The following UNC13B variants were observed in gnomAD, a reference collection of about 807,000 sequenced individuals.
UNC13B encodes the protein unc-13 homolog B, also known as protein unc-13 homolog B.
UNC13B carries 144 observed loss-of-function variants against 211.0 expected under a neutral mutation model. That is an observed-to-expected ratio of 0.68 (90% CI 0.60 to 0.78). The LOEUF (loss-of-function observed/expected upper bound fraction) is 0.78, where lower values mean the gene tolerates loss of function less well. UNC13B is among the 30% of genes least tolerant of loss of function. The probability of loss-of-function intolerance (pLI) is 0.00; values close to 1 mark genes in which losing one functional copy is unlikely to be tolerated. For missense variants in UNC13B, 1,777 were observed against 2,002.0 expected, an observed-to-expected ratio of 0.89 and a Z score of 2.14; for synonymous variants, 709 against 725.8, an observed-to-expected ratio of 0.98 and a Z score of 0.37.
At chr9:35,400,259 G>A in intron 36 of UNC13B, 37 bp from the exon 37 acceptor site, 1 of 1,606,844 alleles carries the variant, frequency 6.2e-7, no homozygotes, top group Non-Finnish European at 8.5e-7. Flanking sequence ...TTTCTGTAAG[G>A]GGATGAAGCA....
chr9:35,177,362 G>C (rs528153505), intron 1 of UNC13B, among the ~76,000 whole-genome samples: 13 of 152,282 alleles, frequency 8.5e-5, no homozygotes, highest in African/African-American at 3.1e-4. Flanking sequence ...TAAGACCGAG[G>C]AAGGGGCAGA....
chr9:35,317,554 A>C (rs1472586986), intron 11 of UNC13B, among the ~76,000 whole-genome samples: 4 of 123,756 alleles, frequency 3.2e-5, no homozygotes, highest in African/African-American at 9.5e-5. Flanking sequence ...ACAGAGCCTC[A>C]CTCTGTTGCC....
chr9:35,203,616 G>A (rs531616239), intron 1 of UNC13B, among the ~76,000 whole-genome samples: 148 of 152,234 alleles, frequency 9.7e-4, no homozygotes, highest in African/African-American at 3.4e-3. Flanking sequence ...AACAGGATCT[G>A]TGGAAATTTG....
At chr9:35,204,436 AC>A (rs1054291363) in intron 1 of UNC13B, among the ~76,000 whole-genome samples, 21 of 152,160 alleles carry the variant, frequency 1.4e-4, no homozygotes, top group African/African-American at 5.1e-4. Flanking sequence ...TCCATTGGCA[AC>A]TTGCACACTG....
chr9:35,376,035 A>G lies in UNC13B; in HGVS notation c.9623A>G (p.His3208Arg). 1 of 1,614,152 alleles carries G rather than the reference A, an allele frequency of 6.2e-7. No homozygotes were observed. Among genetic ancestry groups the G allele is most frequent in the Non-Finnish European group, 8.5e-7 (1 of 1,180,014 alleles). ...TSLKDEELKS[H>R]VYKKTLQALI... ...GGGGTATGTGTCTTTCAGAAATCCC[A>G]CGTGTATAAGAAAACCCTGCAGGCC... Residue 3208 changes from histidine to arginine, a missense_variant, in exon 15 of 40, where the codon CAC becomes CGC. His to Arg is a conservative substitution (Grantham distance 29, BLOSUM62 0). Coordinates refer to ENST00000635942, the MANE Select transcript of UNC13B (RefSeq NM_001371189.2).
intron 7 of UNC13B, among the ~76,000 whole-genome samples, chr9:35,265,840 G>A (rs1373142988): frequency 2.0e-5 from 3 of 151,418 alleles, no homozygotes; most frequent in Admixed American, 6.6e-5. Flanking sequence ...TCCTTTTTTT[G>A]CGATGGAGTC....
intron 13 of UNC13B, 23 bp downstream of exon 13, chr9:35,370,419 G>T: frequency 6.2e-7 from 1 of 1,611,376 alleles, no homozygotes; most frequent in Non-Finnish European, 8.5e-7. Flanking sequence ...TCTTGTGCAG[G>T]CATAGGCAGT....
intron 11 of UNC13B, among the ~76,000 whole-genome samples, chr9:35,329,250 A>T (rs867360677): frequency 6.6e-6 from 1 of 152,114 alleles, no homozygotes; most frequent in Admixed American, 6.5e-5. Context: ...TTAGAATGTG[A>T]CATTATTTGG....
intron 11 of UNC13B, chr9:35,352,538 G>A: frequency 4.9e-6 from 6 of 1,232,084 alleles, no homozygotes; most frequent in Non-Finnish European, 6.1e-6. Context: ...AAACCAGGAT[G>A]AACCAGTTCT....
intron 5 of UNC13B, among the ~76,000 whole-genome samples, chr9:35,238,063 T>C (rs530909625): frequency 6.6e-6 from 1 of 152,324 alleles, no homozygotes; most frequent in African/African-American, 2.4e-5. Context: ...TTTAATTTTC[T>C]GTGACTATTT....
intron 1 of UNC13B, among the ~76,000 whole-genome samples, chr9:35,206,080 G>A (rs1050068753): frequency 1.3e-5 from 2 of 152,114 alleles, no homozygotes; most frequent in Non-Finnish European, 2.9e-5. Context: ...GCTACTTGGA[G>A]GCTGGGAGGT....
At chr9:35,212,570 C>T (rs1824029686) in intron 1 of UNC13B, among the ~76,000 whole-genome samples, 1 of 151,798 alleles carries the variant, frequency 6.6e-6, no homozygotes, top group Non-Finnish European at 1.5e-5. Context: ...GAGACTCTGT[C>T]TCAAAAAAAT....
intron 11 of UNC13B, among the ~76,000 whole-genome samples, chr9:35,320,308 G>C (rs1393012408): frequency 6.6e-6 from 1 of 152,152 alleles, no homozygotes; most frequent in Admixed American, 6.6e-5. Flanking sequence ...AAGTGGAGCA[G>C]TATGACATAC....
At chr9:35,370,954 C>T (rs1235963626) in intron 13 of UNC13B, among the ~76,000 whole-genome samples, 1 of 152,196 alleles carries the variant, frequency 6.6e-6, no homozygotes, top group African/African-American at 2.4e-5. Flanking sequence ...ATCCCATCCT[C>T]CCAGGATGAC....
In UNC13B at chr9:35,200,024, G is replaced by A. The variant is rs1334683150; in HGVS notation, c.23-27991G>A. ...TCTCGAATTAATTTTTGTATAAGGT[G>A]TAAGGAAGGGATCCAGTTTCAGCTT... On this transcript the variant is annotated intron_variant, in intron 1 of 39. Coordinates refer to ENST00000635942, the MANE Select transcript of UNC13B (RefSeq NM_001371189.2). Among the ~76,000 whole-genome samples the A allele has an allele frequency of 2.6e-5, 4 of 152,184 alleles. 1 individual carries two copies. Among genetic ancestry groups the A allele is most frequent in the Non-Finnish European group, 5.9e-5 (4 of 68,022 alleles).
At chr9:35,235,069 C>T (rs376863655) in intron 3 of UNC13B, among the ~76,000 whole-genome samples, 199 of 152,282 alleles carry the variant, frequency 1.3e-3, no homozygotes, top group African/African-American at 4.5e-3. Flanking sequence ...AGCATTAACA[C>T]AGGTACTATT....
In UNC13B at chr9:35,404,786, G is replaced by A. The variant is rs1836570977; in HGVS notation, c.*753G>A. 6.6e-6 allele frequency: 1 copy of A among 152,528 alleles called. No homozygotes were observed. Among genetic ancestry groups the A allele is most frequent in the Non-Finnish European group, 1.5e-5 (1 of 68,044 alleles). The allele number at this position is 152,528 out of a possible 1,614,324, so 9.4% of individuals were successfully genotyped here. A position where few individuals can be genotyped will look rare whatever the true frequency, so the allele number is the denominator to read the frequency against. ...TCTAGGCAGGGGAGTGATGCTTCAG[G>A]ACGTGACAGGCTGTTCTAACATGTG... On this transcript the variant is annotated 3_prime_UTR_variant, in exon 40 of 40. Coordinates refer to ENST00000635942, the MANE Select transcript of UNC13B (RefSeq NM_001371189.2).
chr9:35,192,098 A>G (rs1483295738), intron 1 of UNC13B, among the ~76,000 whole-genome samples: 1 of 152,238 alleles, frequency 6.6e-6, no homozygotes. Flanking sequence ...CCCACATGTC[A>G]GGCTTCTAGT....
rs200090482 is a variant in UNC13B at position 35,381,617 on chromosome 9, G to A, written c.10553G>A (p.Arg3518Gln). Residue 3518 changes from arginine (R) to glutamine (Q), a missense_variant, in exon 20 of 40, where the codon CGA becomes CAA. Arg to Gln is a conservative substitution (Grantham distance 43). Coordinates refer to ENST00000635942, the MANE Select transcript of UNC13B (RefSeq NM_001371189.2). ...GSGGVRIPEA[R>Q]GDDAWKVYFD... ...GGAGGAGTCCGCATCCCTGAAGCTC[G>A]AGGAGACGATGCCTGGAAGGTGTAC... The A allele has an allele frequency of 3.8e-5, 62 of 1,614,080 alleles. No homozygotes were observed. Among genetic ancestry groups the A allele is most frequent in the Admixed American group, 2.2e-4 (13 of 60,010 alleles).
Sources: gnomAD v4.1 joint callset for allele counts (sites outside exome capture counted in the v4.1 genomes callset) on GRCh38, gnomAD v4.1.1 for gene constraint, MANE v1.5 for transcripts, NCBI Gene and HGNC (gene_info 2026-07-23, HGNC 2026-07-21) for gene names.